The following CNTNAP5 variants were observed in gnomAD, a reference collection of about 807,000 sequenced individuals.
The protein encoded by CNTNAP5 is contactin-associated protein-like 5.
CNTNAP5 carries 72 observed loss-of-function variants against 150.2 expected under a neutral mutation model. The ratio of observed to expected loss-of-function variants is 0.48; its 90% CI spans 0.40 to 0.58. The LOEUF (loss-of-function observed/expected upper bound fraction) is 0.58. CNTNAP5 is among the 20% of genes least tolerant of loss of function. The pLI, the probability that CNTNAP5 is intolerant of heterozygous loss-of-function variation, is 0.00. For missense variants in CNTNAP5, 1,636 were observed against 1,626.2 expected (o/e 1.01, Z -0.10); for synonymous variants, 672 against 619.8 (o/e 1.08, Z -1.25).
intron 1 of CNTNAP5, among the ~76,000 whole-genome samples, chr2:124,188,952 A>C (rs1407292058): frequency 2.0e-5 from 3 of 152,168 alleles, no homozygotes; most frequent in African/African-American, 7.2e-5. Flanking sequence ...AAATGAGTGA[A>C]TCCAAGACCG....
chr2:124,581,945 C>T (rs1188607711), intron 11 of CNTNAP5, among the ~76,000 whole-genome samples: 1 of 152,180 alleles, frequency 6.6e-6, no homozygotes, highest in African/African-American at 2.4e-5. Context: ...CATTCTTAAG[C>T]TGGTGCTGTT....
At chr2:124,148,829 A>G (rs1032853949) in intron 1 of CNTNAP5, among the ~76,000 whole-genome samples, 4 of 151,482 alleles carry the variant, frequency 2.6e-5, no homozygotes, top group Admixed American at 6.6e-5. Flanking sequence ...ACACACAAAT[A>G]TACACACAGA....
rs189977757 is a variant in CNTNAP5, at chr2:124,320,278, G to T, written c.381+77885G>T. ...GCTTTCCTCAAAGGCTGTCACAATA[G>T]AAATTTTCTCCAGCAATGTATGAGA... On this transcript the variant is annotated intron_variant, in intron 3 of 23. Transcript: ENST00000682447. 3.3e-5 allele frequency among the ~76,000 whole-genome samples: 5 copies of T among 152,282 alleles called. No homozygotes were observed. The East Asian group carries it at 9.6e-4, about 29-fold the overall frequency.
intron 11 of CNTNAP5, among the ~76,000 whole-genome samples, chr2:124,583,232 C>A (rs770944867): frequency 2.0e-4 from 31 of 152,204 alleles, no homozygotes; most frequent in Non-Finnish European, 2.6e-4. Flanking sequence ...TCTGGCCCTG[C>A]ACCATTTTTC....
At chr2:124,307,619 T>C (rs1276017380) in intron 3 of CNTNAP5, among the ~76,000 whole-genome samples, 5 of 152,196 alleles carry the variant, frequency 3.3e-5, no homozygotes, top group African/African-American at 1.2e-4. Context: ...TGTATTCTGA[T>C]ATAATGTGAC....
rs1486941761 is a variant in CNTNAP5, at chr2:124,763,739, A to C, written c.2302A>C (p.Thr768Pro). Residue 768 changes from threonine (T) to proline (P), a missense_variant, in exon 15 of 24, where the codon ACC becomes CCC. Transcript: ENST00000682447. ...LPVTQIVITD[T>P]DRSNSEAAWR... The stretch of plus-strand genomic sequence containing the variant: ...TGTCACTCAGATAGTTATCACTGAT[A>C]CCGACAGATCAAACTCAGAAGCCGC... 1.9e-6 allele frequency: 3 copies of C among 1,613,000 alleles called. No homozygotes were observed. The highest frequency in any genetic ancestry group is 1.7e-5 in the Admixed American group (1 of 59,858).
chr2:124,604,765 C>T (rs1403326907), intron 11 of CNTNAP5, among the ~76,000 whole-genome samples: 1 of 152,110 alleles, frequency 6.6e-6, no homozygotes, highest in Non-Finnish European at 1.5e-5. Context: ...TCAGAGATCT[C>T]CCAGTTACTG....
At chr2:124,562,103 A>G (rs1212721201) in intron 10 of CNTNAP5, among the ~76,000 whole-genome samples, 1 of 152,180 alleles carries the variant, frequency 6.6e-6, no homozygotes, top group Non-Finnish European at 1.5e-5. Context: ...ACCATGTAGT[A>G]AAGGGGATTT....
intron 7 of CNTNAP5, among the ~76,000 whole-genome samples, chr2:124,490,045 A>T (rs146687887): frequency 6.6e-6 from 1 of 152,302 alleles, no homozygotes; most frequent in East Asian, 1.9e-4. Context: ...GGCAGAGTGC[A>T]GTGGCTTAAT....
rs185597829 is a variant in CNTNAP5 at position 124,549,094 on chromosome 2, T to G, written c.1650-14123T>G. Reference sequence around the variant, plus strand: ...CTGCTTCTCAAACACCAGCTCAATTTTAATTTCATTGCATGACCTTTAAAG... The same window carrying G: ...CTGCTTCTCAAACACCAGCTCAATTGTAATTTCATTGCATGACCTTTAAAG... On this transcript the variant is annotated intron_variant, in intron 10 of 23. Coordinates refer to ENST00000682447, the MANE Select transcript of CNTNAP5 (RefSeq NM_001367498.1). Among the ~76,000 whole-genome samples the G allele has an allele frequency of 2.0e-5, 3 of 152,326 alleles. No homozygotes were observed. The East Asian group carries it at 5.8e-4, about 29-fold the overall frequency.
chr2:124,865,417 G>C lies in CNTNAP5; in HGVS notation c.3329G>C (p.Gly1110Ala). The change falls in exon 20 of 24, where the codon GGA becomes GCA. Residue 1110 changes from glycine to alanine, a missense_variant. By Grantham distance (60) the Gly-to-Ala change is moderately conservative. Transcript: ENST00000682447. ...RMHHLKINRE[G>A]RELTIQMDQQ... ...CACCACTTGAAGATTAACCGAGAGG[G>C]AAGAGAGCTTACCATTCAGGTACCT... 3 of 1,551,830 alleles carry C rather than the reference G, an allele frequency of 1.9e-6. No individual in the cohort carries two copies. Among genetic ancestry groups the C allele is most frequent in the Non-Finnish European group, 2.6e-6 (3 of 1,146,952 alleles).
At chr2:124,158,563 G>T (rs1002357187) in intron 1 of CNTNAP5, among the ~76,000 whole-genome samples, 8 of 152,116 alleles carry the variant, frequency 5.3e-5, no homozygotes, top group Admixed American at 3.3e-4. Context: ...TTTGCAATTG[G>T]TTGAATCCAC....
chr2:124,241,490 A>C (rs2104766907), intron 2 of CNTNAP5, among the ~76,000 whole-genome samples: 1 of 152,238 alleles, frequency 6.6e-6, no homozygotes, highest in South Asian at 2.1e-4. Flanking sequence ...TATCTCTAGA[A>C]GGCCTCTCTG....
chr2:124,911,341 A>T (rs1678650357), intron 22 of CNTNAP5, 126 bp from the exon 23 acceptor site: 1 of 680,048 alleles, frequency 1.5e-6, no homozygotes, highest in Non-Finnish European at 2.7e-6. Flanking sequence ...GCAACATATC[A>T]ACTCACAACT....
At chr2:124,842,329 A>G (rs1330732761) in intron 19 of CNTNAP5, among the ~76,000 whole-genome samples, 2 of 152,174 alleles carry the variant, frequency 1.3e-5, no homozygotes, top group East Asian at 1.9e-4. Flanking sequence ...TTATACATGC[A>G]ACAGAGACTG....
chr2:124,491,438 T>C (rs1201942032), intron 7 of CNTNAP5, among the ~76,000 whole-genome samples: 2 of 89,362 alleles, frequency 2.2e-5, no homozygotes, highest in Non-Finnish European at 4.5e-5. Context: ...TGTTTATATA[T>C]ATACACACAC....
chr2:124,635,537 A>G (rs1304369179), intron 12 of CNTNAP5, among the ~76,000 whole-genome samples: 1 of 152,202 alleles, frequency 6.6e-6, no homozygotes, highest in Non-Finnish European at 1.5e-5. Context: ...GAGAAGGTCC[A>G]TCAAGTCCTC....
At chr2:124,905,132 T>TG (rs1417885404) in intron 22 of CNTNAP5, among the ~76,000 whole-genome samples, 1 of 147,656 alleles carries the variant, frequency 6.8e-6, no homozygotes, top group African/African-American at 2.5e-5. Flanking sequence ...TTTTGTTTTT[T>TG]TTTTTTTCCA....
intron 19 of CNTNAP5, among the ~76,000 whole-genome samples, chr2:124,831,370 A>G (rs1682713374): frequency 6.6e-6 from 1 of 151,810 alleles, no homozygotes; most frequent in Non-Finnish European, 1.5e-5. Context: ...CATCATATCC[A>G]TTCCATTCAT....
Sources: allele counts gnomAD v4.1 joint callset (sites outside exome capture counted in the v4.1 genomes callset), GRCh38; gene constraint gnomAD v4.1.1; transcripts MANE v1.5; gene names NCBI Gene and HGNC (gene_info 2026-07-23, HGNC 2026-07-21).